Variants in ANK3 observed in about 807,000 individuals in gnomAD.
The protein encoded by ANK3 is ankyrin 3.
A neutral mutation model predicts 370.9 loss-of-function variants in ANK3; 57 were observed. The ratio of observed to expected loss-of-function variants is 0.15; its 90% confidence interval spans 0.12 to 0.19. The LOEUF (loss-of-function observed/expected upper bound fraction) is 0.19, where lower values mean the gene tolerates loss of function less well. ANK3 is among the 10% of genes least tolerant of loss of function. The pLI is 1.00. For synonymous variants in ANK3, 1,929 were observed against 1,946.3 expected (o/e 0.99, Z 0.23); for missense variants, 4,439 against 5,302.1 (o/e 0.84, Z 5.06).
chr10:60,532,854 T>C (rs1049336553), intron 2 of ANK3, among the ~76,000 whole-genome samples: 1 of 152,032 alleles, frequency 6.6e-6, no homozygotes, highest in African/African-American at 2.4e-5. Context: ...GCTGAGCAAG[T>C]TCTGCTGGGA....
chr10:60,547,257 A>AT (rs2076985946), intron 2 of ANK3, among the ~76,000 whole-genome samples: 1 of 150,548 alleles, frequency 6.6e-6, no homozygotes, highest in East Asian at 2.0e-4. Flanking sequence ...TGGCTAGCTA[A>AT]TTTTTTTGTA....
At chr10:60,689,306 G>A (rs1261478810) in intron 1 of ANK3, among the ~76,000 whole-genome samples, 2 of 152,194 alleles carry the variant, frequency 1.3e-5, no homozygotes, top group Non-Finnish European at 2.9e-5. Flanking sequence ...GGTTGAGGTA[G>A]GAGGATCACT....
rs2063708316 is a variant in ANK3, at chr10:60,418,191, C to T, written c.97-138552G>A. Among the ~76,000 whole-genome samples, 6 of 152,278 alleles carry T rather than the reference C, an allele frequency of 3.9e-5. No homozygotes were observed. In the South Asian group the frequency reaches 1.2e-3, roughly 32 times the overall value. ...TGATATGCACTGTCCAGGTCACAGCCAGAATGGTCCATCTGAAGCACCACT... is the reference window on the plus strand; with the variant it reads ...TGATATGCACTGTCCAGGTCACAGCTAGAATGGTCCATCTGAAGCACCACT... On this transcript the variant is annotated intron_variant, in intron 2 of 43. Transcript: ENST00000373827.
chr10:60,391,418 T>C (rs187903952), upstream of ANK3, among the ~76,000 whole-genome samples: 41 of 152,386 alleles, frequency 2.7e-4, no homozygotes, highest in Admixed American at 4.6e-4. Flanking sequence ...TTTGGGTCTT[T>C]GTAGTAAAAA....
chr10:60,568,675 T>G (rs2077518974), intron 2 of ANK3, among the ~76,000 whole-genome samples: 1 of 152,184 alleles, frequency 6.6e-6, no homozygotes, highest in South Asian at 2.1e-4. Context: ...ACCTAAGTTG[T>G]GAACCTGGAT....
chr10:60,319,932 C>A (rs368236553), intron 1 of ANK3, among the ~76,000 whole-genome samples: 1 of 152,190 alleles, frequency 6.6e-6, no homozygotes, highest in Non-Finnish European at 1.5e-5. Context: ...GTTTCTCAAA[C>A]TGGTACTCCA....
chr10:60,075,278 T>A lies in ANK3; in HGVS notation c.5603A>T (p.His1868Leu). ...TLTTETHPQP[H>L]FSRTSSPVKS... is the part of the protein sequence containing the mutation. ...AACTGGAGATGAAGTTCGACTGAAG[T>A]GAGGCTGAGGATGTGTCTCCGTAGT... The change falls in exon 37 of 44, where the codon CAC becomes CTC. Residue 1868 changes from histidine (H) to leucine (L), a missense_variant. By Grantham distance (99) the His-to-Leu change is moderately conservative. Transcript: ENST00000280772. The A allele has an allele frequency of 6.2e-7, 1 of 1,614,090 alleles. No homozygotes were observed. Among genetic ancestry groups the A allele is most frequent in the Non-Finnish European group, 8.5e-7 (1 of 1,179,998 alleles).
rs57642274 is a variant in ANK3, at chr10:60,241,176, AT to A, written c.799-6391del. 6.4e-3 allele frequency among the ~76,000 whole-genome samples: 965 copies of A among 151,174 alleles called. 15 individuals are homozygous for A. The highest frequency in any genetic ancestry group is 8.8e-3 in the African/African-American group (360 of 40,704). On this transcript the variant is annotated intron_variant, in intron 7 of 43. Transcript: ENST00000280772. ...ATATCCTGCACCTAAAAATATGATG[AT>A]TTTTTTTCCCATTAAGGTAGAATAT...
At chr10:60,266,178 A>G (rs2097875765) in intron 5 of ANK3, among the ~76,000 whole-genome samples, 1 of 152,184 alleles carries the variant, frequency 6.6e-6, no homozygotes. Context: ...CACAAAAACG[A>G]TATCATAGGT....
At chr10:60,601,169 C>T (rs1284430229) in intron 2 of ANK3, among the ~76,000 whole-genome samples, 1 of 92,676 alleles carries the variant, frequency 1.1e-5, no homozygotes, top group Non-Finnish European at 2.3e-5. Context: ...AACATTTATA[C>T]AACGCACACA....
At chr10:60,481,256 T>C (rs766477059) in intron 2 of ANK3, among the ~76,000 whole-genome samples, 3 of 152,170 alleles carry the variant, frequency 2.0e-5, no homozygotes, top group Non-Finnish European at 4.4e-5. Context: ...CAATCCCAAA[T>C]TGTCATGATG....
chr10:60,062,773 AAC>A (rs1314287074), intron 40 of ANK3: 6 of 167,462 alleles, frequency 3.6e-5, no homozygotes, highest in African/African-American at 1.4e-4. Context: ...TAAAAGAGGT[AAC>A]TAGTTTAGGA....
intron 18 of ANK3, among the ~76,000 whole-genome samples, chr10:60,180,271 A>G (rs542284644): frequency 2.4e-4 from 36 of 151,026 alleles, no homozygotes; most frequent in African/African-American, 8.8e-4. Context: ...TTTAGTAGTC[A>G]TTCTTTTTCA....
At chr10:60,373,089 T>C (rs1034087736) in intron 1 of ANK3, among the ~76,000 whole-genome samples, 1 of 152,254 alleles carries the variant, frequency 6.6e-6, no homozygotes, top group Non-Finnish European at 1.5e-5. Flanking sequence ...ACATGCAATA[T>C]TTTAGTTACA....
At chr10:60,089,491 G>A (rs948357798) in intron 28 of ANK3, among the ~76,000 whole-genome samples, 3 of 149,690 alleles carry the variant, frequency 2.0e-5, no homozygotes, top group South Asian at 2.1e-4. Context: ...GTGTGTGTGT[G>A]TGTGTGTGTG....
chr10:60,608,564 C>A (rs1451878927), intron 2 of ANK3, among the ~76,000 whole-genome samples: 2 of 152,146 alleles, frequency 1.3e-5, no homozygotes, highest in African/African-American at 4.8e-5. Context: ...GAGTAACTCC[C>A]ACCAGAGGCT....
chr10:60,386,088 C>T (rs1042033352), intron 1 of ANK3, among the ~76,000 whole-genome samples: 1 of 152,088 alleles, frequency 6.6e-6, no homozygotes, highest in Non-Finnish European at 1.5e-5. Flanking sequence ...CCAACCACTG[C>T]TCATGGACCA....
intron 2 of ANK3, among the ~76,000 whole-genome samples, chr10:60,460,710 A>C (rs915189517): frequency 6.6e-6 from 1 of 152,162 alleles, no homozygotes; most frequent in African/African-American, 2.4e-5. Context: ...CAGAGTTCTT[A>C]TTGTCCATAG....
At chr10:60,058,381 A>G (rs72818475) in intron 41 of ANK3, among the ~76,000 whole-genome samples, 2,758 of 149,450 alleles carry the variant, frequency 0.018, 48 homozygotes, top group Admixed American at 0.051. Flanking sequence ...GGTAAAGACA[A>G]ATGTGACCAG....
Sources: allele counts gnomAD v4.1 joint callset (sites outside exome capture counted in the v4.1 genomes callset), GRCh38; gene constraint gnomAD v4.1.1; transcripts MANE v1.5; gene names NCBI Gene and HGNC (gene_info 2026-07-23, HGNC 2026-07-21).